The following SYN1 variants were observed in gnomAD, a reference collection of about 807,000 sequenced individuals.
The protein encoded by SYN1 is synapsin-1.
SYN1 carries 8 observed loss-of-function variants against 44.6 expected under a neutral mutation model. That is an observed-to-expected ratio of 0.18 (90% CI 0.11 to 0.32). The LOEUF (loss-of-function observed/expected upper bound fraction) is 0.32, where lower values mean the gene tolerates loss of function less well. Ranked by LOEUF, SYN1 falls within the 10% of genes least tolerant of loss-of-function variation. SYN1 has a pLI of 1.00. For missense variants in SYN1, 451 were observed against 639.4 expected, an observed-to-expected ratio of 0.71 and a Z score of 3.18; for synonymous variants, 275 against 280.1, an observed-to-expected ratio of 0.98 and a Z score of 0.18.
At chrX:47,592,083 T>C in intron 5 of SYN1, among the ~76,000 whole-genome samples, 1 of 112,106 alleles carries the variant, frequency 8.9e-6, no homozygotes, top group Non-Finnish European at 1.9e-5. Context: ...CTCATGCCTA[T>C]AATCCCAGAG....
At chrX:47,615,362 A>G (rs2057928313) in intron 1 of SYN1, among the ~76,000 whole-genome samples, 1 of 111,864 alleles carries the variant, frequency 8.9e-6, no homozygotes, top group African/African-American at 3.3e-5. Context: ...TCATTTCATG[A>G]AGAAGAACAT....
intron 1 of SYN1, among the ~76,000 whole-genome samples, chrX:47,617,138 G>A (rs1322258149): frequency 9.0e-6 from 1 of 111,435 alleles, no homozygotes; most frequent in South Asian, 3.8e-4. Flanking sequence ...TCATGGAAAG[G>A]ATGCAATAAA....
chrX:47,572,694 A>G lies in SYN1; in HGVS notation c.*170T>C. ...ACATGTGAGAACCGGATTTAGGGCC[A>G]GGAGGAGTCAGGTTTCTCAAGGTAC... On this transcript the variant is annotated 3_prime_UTR_variant, in exon 13 of 13. Transcript: ENST00000295987. The G allele has an allele frequency of 8.9e-6, 6 of 671,084 alleles. No individual in the cohort carries two copies. Among genetic ancestry groups the G allele is most frequent in the Non-Finnish European group, 1.3e-5 (6 of 448,181 alleles). 55.3% of individuals were successfully genotyped at this position (671,084 alleles called of 1,213,427 possible). A position where few individuals can be genotyped will look rare whatever the true frequency, so the allele number is the denominator to read the frequency against.
At position 47,606,295 on chromosome X, in the gene SYN1, CT is replaced by C. The variant is rs373349784; in HGVS notation, c.527+649del. The stretch of plus-strand genomic sequence containing the variant: ...GTTTCATAAGGCCCAGGTTCTTTTT[CT>C]TTTTTTTTTTTTGGCCTTTCAGCAT... On this transcript the variant is annotated intron_variant, in intron 3 of 12. Coordinates refer to ENST00000295987, the MANE Select transcript of SYN1 (RefSeq NM_006950.3). 6.4e-3 allele frequency among the ~76,000 whole-genome samples: 640 copies of C among 99,727 alleles called. 3 individuals are homozygous for C. The highest frequency in any genetic ancestry group is 0.018 in the African/African-American group (507 of 27,466). The allele number at this position is 99,727 out of a possible 115,157, so 86.6% of individuals were successfully genotyped here. A position where few individuals can be genotyped will look rare whatever the true frequency, so the allele number is the denominator to read the frequency against.
At chrX:47,575,869 C>T (rs1321581094) in intron 9 of SYN1, among the ~76,000 whole-genome samples, 1 of 111,952 alleles carries the variant, frequency 8.9e-6, no homozygotes, top group African/African-American at 3.3e-5. Flanking sequence ...CTAAGTGCCT[C>T]GCCATTCACC....
At chrX:47,588,995 T>TG (rs1292231164) in intron 5 of SYN1, among the ~76,000 whole-genome samples, 3 of 110,861 alleles carry the variant, frequency 2.7e-5, no homozygotes, top group African/African-American at 6.6e-5. Flanking sequence ...TGGATATTTT[T>TG]GGGGGGGTCA....
intron 1 of SYN1, among the ~76,000 whole-genome samples, chrX:47,616,609 G>C (rs2057932176): frequency 8.9e-6 from 1 of 111,947 alleles, no homozygotes; most frequent in African/African-American, 3.3e-5. Context: ...ACACGTTGGT[G>C]AGTGGACGTT....
intron 4 of SYN1, 29 bp from the exon 5 acceptor site, chrX:47,605,096 G>A: frequency 1.7e-6 from 2 of 1,201,966 alleles, no homozygotes; most frequent in Non-Finnish European, 2.3e-6. Flanking sequence ...CTGGGTCAGT[G>A]AGTCCTTCAC....
At chrX:47,583,113 C>T (rs1042920718) in intron 5 of SYN1, among the ~76,000 whole-genome samples, 14 of 97,264 alleles carry the variant, frequency 1.4e-4, no homozygotes, top group Non-Finnish European at 4.2e-5. Flanking sequence ...CAGAATTCCC[C>T]AATCCCCTCA....
intron 5 of SYN1, among the ~76,000 whole-genome samples, chrX:47,581,615 C>G (rs1450913819): frequency 8.9e-6 from 1 of 112,090 alleles, no homozygotes; most frequent in African/African-American, 3.2e-5. Context: ...CCCGGCCATG[C>G]CCTGTGATCT....
intron 5 of SYN1, chrX:47,589,980 T>C (rs2057842462): frequency 8.9e-6 from 1 of 111,732 alleles, no homozygotes; most frequent in Non-Finnish European, 1.9e-5. Flanking sequence ...AATAATTTAA[T>C]GTCCATTTCT....
chrX:47,583,574 T>C lies in SYN1; in HGVS notation c.775-6073A>G, dbSNP rs767298149. The C allele has an allele frequency of 3.2e-5, 37 of 1,154,892 alleles. No homozygotes were observed. In the South Asian group the frequency reaches 7.2e-4, roughly 22 times the overall value. On this transcript the variant is annotated intron_variant, in intron 5 of 12. Coordinates refer to ENST00000295987, the MANE Select transcript of SYN1 (RefSeq NM_006950.3). ...CCCACTCAGCCCACACACTCTGCCT[T>C]GGTTTCCCTTTCAGTCCAGTGGGGC...
At chrX:47,609,830 T>C (rs1305493901) in intron 1 of SYN1, among the ~76,000 whole-genome samples, 3 of 111,842 alleles carry the variant, frequency 2.7e-5, no homozygotes, top group Non-Finnish European at 5.7e-5. Context: ...TAGGAAAAGA[T>C]GCTGTGTGGA....
chrX:47,598,702 C>G (rs1203715992), intron 5 of SYN1, among the ~76,000 whole-genome samples: 1 of 111,656 alleles, frequency 9.0e-6, no homozygotes, highest in Non-Finnish European at 1.9e-5. Context: ...TGGCAGGCAC[C>G]TGTAGTCCCA....
intron 5 of SYN1, among the ~76,000 whole-genome samples, chrX:47,604,129 A>T (rs769272909): frequency 6.7e-4 from 74 of 110,031 alleles, no homozygotes; most frequent in Non-Finnish European, 1.2e-3. Context: ...GGCTGGTCTC[A>T]AACTCCCGAC....
At chrX:47,617,442 A>G (rs1323449360) in intron 1 of SYN1, among the ~76,000 whole-genome samples, 1 of 111,903 alleles carries the variant, frequency 8.9e-6, no homozygotes, top group Non-Finnish European at 1.9e-5. Flanking sequence ...AATTAAGTCA[A>G]TAGTAAAACT....
intron 5 of SYN1, among the ~76,000 whole-genome samples, chrX:47,600,914 T>C (rs1005567000): frequency 5.4e-5 from 6 of 111,872 alleles, no homozygotes; most frequent in Non-Finnish European, 1.1e-4. Flanking sequence ...TAGTTGTAAC[T>C]GCCTATATCT....
chrX:47,592,905 C>T (rs1020408698), intron 5 of SYN1, among the ~76,000 whole-genome samples: 2 of 111,367 alleles, frequency 1.8e-5, no homozygotes, highest in African/African-American at 6.5e-5. Flanking sequence ...GACAAGGTCT[C>T]GCTCTGTCAC....
Position 47,575,205 on chromosome X carries a change from C to A in SYN1, c.1228G>T (p.Val410Leu), listed in dbSNP as rs1237229229. The change falls in exon 10 of 13, where the codon GTG becomes TTG. Residue 410 changes from valine (V) to leucine (L), a missense_variant. Around this residue, in one of 3 missense-constraint regions of SYN1, gnomAD observed 315 missense variants for 451.4 expected, o/e 0.70. Transcript: ENST00000295987. ...DEDKQLIVEL[V>L]VNKMAQALPR... ...AGGGCCTGAGCCATCTTGTTGACCACGAGCTCTACGATGAGCTGTTTGTCT... is the reference window on the plus strand; with the variant it reads ...AGGGCCTGAGCCATCTTGTTGACCAAGAGCTCTACGATGAGCTGTTTGTCT... The A allele has an allele frequency of 3.3e-6, 4 of 1,202,306 alleles. No homozygotes were observed. Among genetic ancestry groups the A allele is most frequent in the Non-Finnish European group, 4.5e-6 (4 of 890,726 alleles).
Sources: allele counts gnomAD v4.1 joint callset (sites outside exome capture counted in the v4.1 genomes callset), GRCh38; gene constraint gnomAD v4.1.1; regional missense constraint gnomAD v4.1.1; transcripts MANE v1.5; gene names NCBI Gene and HGNC (gene_info 2026-07-23, HGNC 2026-07-21).